The following SPON1 variants were observed in gnomAD, a reference collection of about 807,000 sequenced individuals.
SPON1 encodes spondin-1.
A neutral mutation model predicts 111.7 loss-of-function variants in SPON1; 52 were observed. The observed-to-expected ratio is 0.47, with a 90% CI of 0.37 to 0.59. SPON1 has a LOEUF of 0.59. Among genes scored for constraint, SPON1 ranks in the 20% least tolerant of loss-of-function variants. The pLI, the probability that SPON1 is intolerant of heterozygous loss-of-function variation, is 0.00. For missense variants in SPON1, 957 were observed against 1,068.5 expected, an observed-to-expected ratio of 0.90 and a Z score of 1.46; for synonymous variants, 410 against 395.8, an observed-to-expected ratio of 1.04 and a Z score of -0.43.
chr11:14,183,758 T>G (rs1848258917), intron 6 of SPON1, among the ~76,000 whole-genome samples: 1 of 147,718 alleles, frequency 6.8e-6, no homozygotes, highest in South Asian at 2.2e-4. Flanking sequence ...GGTTATGGAG[T>G]TGGGATTTAA....
At chr11:14,160,443 T>TTTATA (rs1554930845) in intron 6 of SPON1, among the ~76,000 whole-genome samples, 1 of 16,722 alleles carries the variant, frequency 6.0e-5, no homozygotes, top group African/African-American at 3.4e-4. Context: ...ATATATATAT[T>TTTATA]TATATATATA....
chr11:14,117,307 A>G (rs1281035447), intron 5 of SPON1, among the ~76,000 whole-genome samples: 1 of 152,190 alleles, frequency 6.6e-6, no homozygotes, highest in Non-Finnish European at 1.5e-5. Flanking sequence ...AAGTAAGATT[A>G]TTGCTATGGC....
At chr11:14,054,153 A>AT (rs2133819751) in intron 3 of SPON1, among the ~76,000 whole-genome samples, 1 of 152,290 alleles carries the variant, frequency 6.6e-6, no homozygotes, top group Admixed American at 6.5e-5. Flanking sequence ...TTTCAGCTAC[A>AT]TTTTTCCTTG....
At chr11:13,981,363 G>C (rs1848142724) in intron 1 of SPON1, among the ~76,000 whole-genome samples, 1 of 152,144 alleles carries the variant, frequency 6.6e-6, no homozygotes, top group Admixed American at 6.5e-5. Flanking sequence ...GTCTCACTCT[G>C]TCACTCAGGC....
intron 5 of SPON1, among the ~76,000 whole-genome samples, chr11:14,089,889 T>G (rs978195536): frequency 1.7e-4 from 26 of 152,088 alleles, no homozygotes; most frequent in Admixed American, 1.0e-3. Flanking sequence ...GCCACAGCTG[T>G]TTTGCCACGC....
At position 13,990,373 on chromosome 11, in the gene SPON1, CTTTTTTTTTTTTTTTTTTTT is replaced by C. The variant is rs1159719282; in HGVS notation, c.345+7435_345+7454del. On this transcript the variant is annotated intron_variant, in intron 2 of 15. Coordinates refer to ENST00000576479, the MANE Select transcript of SPON1 (RefSeq NM_006108.4). ...TCAGAGATTAGGATTGCAACTCCTG[CTTTTTTTTTTTTTTTTTTTT>C]TTTTTTTTTTTTTTGCTTTCCATTT... 4.2e-4 allele frequency among the ~76,000 whole-genome samples: 9 copies of C among 21,670 alleles called. 1 individual carries two copies. Among genetic ancestry groups the C allele is most frequent in the Admixed American group, 1.7e-3 (2 of 1,186 alleles). The allele number at this position is 21,670 out of a possible 152,430, so 14.2% of individuals were successfully genotyped here.
At chr11:14,058,076 C>T (rs943151576) in intron 3 of SPON1, among the ~76,000 whole-genome samples, 3 of 151,988 alleles carry the variant, frequency 2.0e-5, no homozygotes, top group Non-Finnish European at 2.9e-5. Flanking sequence ...GAAAAAAGAG[C>T]TATATTGACA....
intron 5 of SPON1, among the ~76,000 whole-genome samples, chr11:14,132,312 T>C (rs78665421): frequency 0.016 from 2,381 of 152,224 alleles, 61 homozygotes; most frequent in African/African-American, 0.054. Context: ...TGTTATGTTG[T>C]AAGGCCATTG....
chr11:14,155,927 CTT>C (rs1453940371), intron 6 of SPON1, among the ~76,000 whole-genome samples: 1 of 132,678 alleles, frequency 7.5e-6, no homozygotes, highest in Non-Finnish European at 1.7e-5. Flanking sequence ...GGTTCCAAGT[CTT>C]TGCTATTGTG....
intron 7 of SPON1, among the ~76,000 whole-genome samples, chr11:14,246,982 T>C (rs1464915743): frequency 6.6e-6 from 1 of 152,130 alleles, no homozygotes; most frequent in East Asian, 1.9e-4. Flanking sequence ...AGGCCCTGTA[T>C]GAGGAGGGAG....
At chr11:14,143,624 G>A (rs1038812931) in intron 6 of SPON1, among the ~76,000 whole-genome samples, 12 of 152,078 alleles carry the variant, frequency 7.9e-5, no homozygotes, top group Non-Finnish European at 1.6e-4. Context: ...CAGGGCAGCA[G>A]TGGATGGGCA....
intron 3 of SPON1, among the ~76,000 whole-genome samples, chr11:14,061,154 A>ATTCAC (rs1197616095): frequency 7.9e-5 from 12 of 152,206 alleles, no homozygotes; most frequent in Admixed American, 2.6e-4. Context: ...CAGGGAAGAA[A>ATTCAC]TTCACCTACA....
In SPON1 at chr11:14,259,488, G is replaced by T. The variant is rs368651454; in HGVS notation, c.1663+38G>T. On this transcript the variant is annotated intron_variant, in intron 12 of 15. Coordinates refer to ENST00000576479, the MANE Select transcript of SPON1 (RefSeq NM_006108.4). This position sits in a 1 kb window ranked among gnomAD's most constrained non-coding sequence, Gnocchi z 5.0. ...CCCGGGCGGGCAGGCGGGCAAGTAG[G>T]TCGGGGAGGCAGCAGGTGCGACTCC... is the stretch of plus-strand genomic sequence containing the variant. The T allele has an allele frequency of 7.0e-6, 11 of 1,582,440 alleles. No individual in the cohort carries two copies. Among genetic ancestry groups the T allele is most frequent in the Non-Finnish European group, 9.4e-6 (11 of 1,164,358 alleles).
intron 5 of SPON1, among the ~76,000 whole-genome samples, chr11:14,112,473 T>G (rs1257312303): frequency 1.3e-5 from 2 of 152,266 alleles, no homozygotes; most frequent in Non-Finnish European, 2.9e-5. Flanking sequence ...AACTCCTCTG[T>G]GCCTTGGTTT....
intron 3 of SPON1, among the ~76,000 whole-genome samples, chr11:14,063,530 C>T (rs868933765): frequency 5.3e-5 from 8 of 152,238 alleles, no homozygotes; most frequent in Middle Eastern, 3.4e-3. Context: ...GATTTTGTAG[C>T]TTACATATGG....
chr11:14,241,436 G>C (rs1156278218), intron 6 of SPON1, among the ~76,000 whole-genome samples: 2 of 152,186 alleles, frequency 1.3e-5, no homozygotes, highest in Non-Finnish European at 2.9e-5. Flanking sequence ...GGGGAAGCAA[G>C]AAGATACTGG....
At position 14,259,151 on chromosome 11, in the gene SPON1, C is replaced by CTT. The variant is rs1233658786; in HGVS notation, c.1493-128_1493-127dup. ...TTTGCCAGTTTAAGGATTTAGACCT[C>CTT]TTAGGTGTGCAGACAACCTCAACTG... On this transcript the variant is annotated intron_variant, in intron 11 of 15. Transcript: ENST00000576479. The surrounding 1 kb of genome is among the most constrained non-coding windows in gnomAD (Gnocchi z 5.0). 22 of 996,410 alleles carry CTT rather than the reference C, an allele frequency of 2.2e-5. No individual in the cohort carries two copies. The African/African-American group carries it at 2.4e-4, about 11-fold the overall frequency. 61.7% of individuals were successfully genotyped at this position (996,410 alleles called of 1,614,324 possible).
chr11:14,030,143 G>A (rs1554915849), intron 2 of SPON1, among the ~76,000 whole-genome samples: 1 of 152,234 alleles, frequency 6.6e-6, no homozygotes, highest in African/African-American at 2.4e-5. Flanking sequence ...AGTGAGCAGT[G>A]CTGAGCTGGC....
intron 2 of SPON1, among the ~76,000 whole-genome samples, chr11:14,011,350 C>T (rs1339759131): frequency 1.3e-5 from 2 of 152,038 alleles, no homozygotes; most frequent in South Asian, 2.1e-4. Context: ...CAAGGTACTG[C>T]GGTTCTTATT....
Sources: allele counts gnomAD v4.1 joint callset (sites outside exome capture counted in the v4.1 genomes callset), GRCh38; gene constraint gnomAD v4.1.1; non-coding constraint Gnocchi (gnomAD v3.1); transcripts MANE v1.5; gene names NCBI Gene and HGNC (gene_info 2026-07-23, HGNC 2026-07-21).